CSMD3: variants seen among roughly 807,000 people sequenced by gnomAD.
CSMD3 encodes CUB and sushi domain-containing protein 3.
CSMD3 carries 177 observed loss-of-function variants against 435.2 expected under a neutral mutation model. The observed-to-expected ratio is 0.41, with a 90% CI of 0.36 to 0.46. The LOEUF (loss-of-function observed/expected upper bound fraction) is 0.46. Ranked by LOEUF, CSMD3 falls within the 20% of genes least tolerant of loss-of-function variation. The probability of loss-of-function intolerance (pLI) is 0.34; values close to 1 mark genes in which losing one functional copy is unlikely to be tolerated. For synonymous variants in CSMD3, 1,656 were observed against 1,520.5 expected, an observed-to-expected ratio of 1.09 and a Z score of -2.07; for missense variants, 4,265 against 4,504.6, an observed-to-expected ratio of 0.95 and a Z score of 1.52.
At chr8:112,458,424 A>G (rs931579420) in intron 32 of CSMD3, among the ~76,000 whole-genome samples, 2 of 152,104 alleles carry the variant, frequency 1.3e-5, no homozygotes, top group African/African-American at 4.8e-5. Flanking sequence ...AATTCTAAAT[A>G]AAGAAATGTC....
chr8:113,350,183 C>T (rs769670814), intron 1 of CSMD3, among the ~76,000 whole-genome samples: 6 of 151,870 alleles, frequency 4.0e-5, no homozygotes, highest in Admixed American at 6.6e-5. Context: ...CAACATCATA[C>T]GGAGGAGAAG....
chr8:112,764,095 A>G (rs1008919040), intron 13 of CSMD3, among the ~76,000 whole-genome samples: 1 of 151,550 alleles, frequency 6.6e-6, no homozygotes, highest in Non-Finnish European at 1.5e-5. Flanking sequence ...GGATTAATAC[A>G]AGTGACATTT....
intron 4 of CSMD3, among the ~76,000 whole-genome samples, chr8:113,147,843 T>C (rs1229033697): frequency 6.6e-6 from 1 of 151,694 alleles, no homozygotes; most frequent in Non-Finnish European, 1.5e-5. Context: ...TCTTTGTTAA[T>C]TCCCTTCCTA....
intron 16 of CSMD3, among the ~76,000 whole-genome samples, chr8:112,671,214 C>G (rs998988700): frequency 2.0e-5 from 3 of 152,094 alleles, no homozygotes; most frequent in Non-Finnish European, 4.4e-5. Flanking sequence ...TCCCACCTCC[C>G]TTTCCTAGAG....
intron 5 of CSMD3, among the ~76,000 whole-genome samples, chr8:113,019,534 ATTAT>A (rs2086603965): frequency 6.7e-6 from 1 of 148,332 alleles, no homozygotes; most frequent in Admixed American, 6.7e-5. Flanking sequence ...TATATTGTTT[ATTAT>A]TTATTATATC....
chr8:113,124,816 C>T (rs905359533), intron 4 of CSMD3, among the ~76,000 whole-genome samples: 1 of 151,982 alleles, frequency 6.6e-6, no homozygotes, highest in African/African-American at 2.4e-5. Context: ...CACCTCTATA[C>T]TCCTGCATTA....
intron 4 of CSMD3, among the ~76,000 whole-genome samples, chr8:113,152,338 C>T (rs1164838122): frequency 2.0e-5 from 3 of 151,926 alleles, no homozygotes; most frequent in Admixed American, 6.6e-5. Flanking sequence ...CACGAAGATA[C>T]GTAAAAATCA....
At chr8:112,489,254 C>CA (rs1482640131) in intron 31 of CSMD3, among the ~76,000 whole-genome samples, 7 of 150,836 alleles carry the variant, frequency 4.6e-5, no homozygotes, top group Admixed American at 4.6e-4. Context: ...ACTGTCTCTG[C>CA]AAAAAAAATA....
intron 5 of CSMD3, 106 bp downstream of exon 5, chr8:113,098,650 G>T: frequency 1.3e-6 from 1 of 778,022 alleles, no homozygotes; most frequent in Non-Finnish European, 2.2e-6. Context: ...TTTCCTGTAA[G>T]ATCTTTTAAA....
At chr8:113,001,733 AC>A (rs1259514673) in intron 6 of CSMD3, among the ~76,000 whole-genome samples, 2 of 152,116 alleles carry the variant, frequency 1.3e-5, no homozygotes, top group African/African-American at 4.8e-5. Context: ...CTAATGGATA[AC>A]AACATCATTT....
intron 6 of CSMD3, among the ~76,000 whole-genome samples, chr8:112,988,976 C>A (rs1181808314): frequency 6.6e-6 from 1 of 152,034 alleles, no homozygotes; most frequent in Non-Finnish European, 1.5e-5. Flanking sequence ...TTCACGTATT[C>A]ACTCAACAAG....
At chr8:113,376,917 G>A in intron 1 of CSMD3, 1 of 1,588,154 alleles carries the variant, frequency 6.3e-7, no homozygotes, top group Non-Finnish European at 8.6e-7. Flanking sequence ...CCGTGGTTGT[G>A]GGGGCCATAA....
chr8:113,275,953 C>G (rs2132444150), intron 3 of CSMD3, among the ~76,000 whole-genome samples: 1 of 152,114 alleles, frequency 6.6e-6, no homozygotes, highest in East Asian at 1.9e-4. Flanking sequence ...TTTGAGGTAA[C>G]TGCAGAAAAA....
intron 4 of CSMD3, among the ~76,000 whole-genome samples, chr8:113,152,980 G>C (rs183354449): frequency 5.9e-4 from 61 of 103,178 alleles, no homozygotes; most frequent in Middle Eastern, 4.7e-3. Flanking sequence ...GAAAAGAAAA[G>C]AAAACAAAAC....
At chr8:112,507,009 A>C (rs2130934074) in intron 28 of CSMD3, among the ~76,000 whole-genome samples, 180 bp from the exon 29 acceptor site, 1 of 152,306 alleles carries the variant, frequency 6.6e-6, no homozygotes, top group South Asian at 2.1e-4. Flanking sequence ...AATATTGAAT[A>C]CATGCATACA....
At chr8:112,998,429 T>C (rs2085736980) in intron 6 of CSMD3, among the ~76,000 whole-genome samples, 1 of 151,904 alleles carries the variant, frequency 6.6e-6, no homozygotes, top group Non-Finnish European at 1.5e-5. Flanking sequence ...ACTACAGAAA[T>C]ATGTTCTCTT....
rs567407766 is a variant in CSMD3 at position 112,537,821 on chromosome 8, T to C, written c.4564+12850A>G. Among the ~76,000 whole-genome samples the C allele has an allele frequency of 2.0e-5, 3 of 151,948 alleles. No individual in the cohort carries two copies. The South Asian group carries it at 6.2e-4, about 31-fold the overall frequency. On this transcript the variant is annotated intron_variant, in intron 27 of 70. Transcript: ENST00000297405. ...ACATTTAGAGAAGACCTAATACCAA[T>C]TCTAATCACACTATTTCAAAAAACT...
At chr8:113,007,386 A>G (rs986241643) in intron 6 of CSMD3, among the ~76,000 whole-genome samples, 3 of 151,970 alleles carry the variant, frequency 2.0e-5, no homozygotes, top group African/African-American at 7.2e-5. Flanking sequence ...AGCCTAATCC[A>G]ATATAATTAG....
intron 38 of CSMD3, among the ~76,000 whole-genome samples, chr8:112,374,085 G>A (rs965531022): frequency 7.2e-5 from 11 of 152,074 alleles, no homozygotes; most frequent in African/African-American, 2.7e-4. Context: ...GCAATACTTA[G>A]TCTTTAAATT....
Sources: gnomAD v4.1 joint callset for allele counts (sites outside exome capture counted in the v4.1 genomes callset) on GRCh38, gnomAD v4.1.1 for gene constraint, MANE v1.5 for transcripts, NCBI Gene and HGNC (gene_info 2026-07-23, HGNC 2026-07-21) for gene names.